The following NCKAP5 variants were observed in gnomAD, a reference collection of about 807,000 sequenced individuals.
NCKAP5 encodes the protein NCK associated protein 5.
Under a neutral mutation model 167.0 loss-of-function variants are expected in NCKAP5, and 92 were observed. That is an observed-to-expected ratio of 0.55 (90% CI 0.47 to 0.66). The LOEUF (loss-of-function observed/expected upper bound fraction) is 0.66, where lower values mean the gene tolerates loss of function less well. NCKAP5 is among the 30% of genes least tolerant of loss of function. NCKAP5 has a pLI of 0.00. For synonymous variants in NCKAP5, 891 were observed against 877.4 expected (o/e 1.02, Z -0.27); for missense variants, 2,378 against 2,315.0 (o/e 1.03, Z -0.56).
At chr2:132,968,592 C>T (rs1432000355) in intron 7 of NCKAP5, among the ~76,000 whole-genome samples, 2 of 152,038 alleles carry the variant, frequency 1.3e-5, no homozygotes, top group Non-Finnish European at 2.9e-5. Context: ...AGAAAGAAAA[C>T]GTTGTCAAGG....
intron 11 of NCKAP5, among the ~76,000 whole-genome samples, chr2:132,836,612 G>A (rs113304023): frequency 0.022 from 3,305 of 151,936 alleles, 126 homozygotes; most frequent in African/African-American, 0.075. Flanking sequence ...GTTCTTTAGC[G>A]GTGATTTGTG....
intron 3 of NCKAP5, among the ~76,000 whole-genome samples, chr2:133,482,232 C>CTT (rs61127181): frequency 6.9e-6 from 1 of 145,746 alleles, no homozygotes; most frequent in African/African-American, 2.5e-5. Flanking sequence ...TTTTCTTTTT[C>CTT]TTTTTTTTTG....
At chr2:133,506,112 A>G (rs1260853798) in intron 3 of NCKAP5, among the ~76,000 whole-genome samples, 1 of 152,134 alleles carries the variant, frequency 6.6e-6, no homozygotes, top group African/African-American at 2.4e-5. Context: ...GATCCACTAG[A>G]CCACCCTCCC....
intron 3 of NCKAP5, among the ~76,000 whole-genome samples, chr2:133,339,322 T>C (rs1414417199): frequency 2.0e-5 from 3 of 151,934 alleles, no homozygotes; most frequent in African/African-American, 7.3e-5. Context: ...CAAGGCCAAG[T>C]CACTGGGGAA....
intron 6 of NCKAP5, among the ~76,000 whole-genome samples, chr2:133,029,625 G>A (rs1277074310): frequency 6.6e-6 from 1 of 152,184 alleles, no homozygotes; most frequent in African/African-American, 2.4e-5. Context: ...AATATTTCCT[G>A]AAAATCTATT....
chr2:132,902,358 G>C (rs1310446197), intron 8 of NCKAP5, among the ~76,000 whole-genome samples: 1 of 152,142 alleles, frequency 6.6e-6, no homozygotes, highest in Non-Finnish European at 1.5e-5. Flanking sequence ...ACAAATCTCT[G>C]GTAGGTATCA....
At chr2:133,258,944 G>C (rs892444962) in intron 4 of NCKAP5, among the ~76,000 whole-genome samples, 1 of 152,064 alleles carries the variant, frequency 6.6e-6, no homozygotes, top group East Asian at 1.9e-4. Context: ...AACAGAACTA[G>C]CCTTCCAGAA....
At chr2:133,135,393 G>A (rs553493965) in intron 5 of NCKAP5, among the ~76,000 whole-genome samples, 28 of 152,200 alleles carry the variant, frequency 1.8e-4, no homozygotes, top group African/African-American at 6.7e-4. Flanking sequence ...AGTGGCATAG[G>A]ACGCAGGTGG....
chr2:133,190,312 A>G (rs1395485931), intron 5 of NCKAP5, among the ~76,000 whole-genome samples: 2 of 152,190 alleles, frequency 1.3e-5, no homozygotes, highest in Non-Finnish European at 1.5e-5. Context: ...ATGTTCATGG[A>G]TAGGAAGAAT....
At chr2:133,366,424 T>A (rs777662789) in intron 3 of NCKAP5, among the ~76,000 whole-genome samples, 10 of 152,036 alleles carry the variant, frequency 6.6e-5, no homozygotes, top group Non-Finnish European at 8.8e-5. Flanking sequence ...TGCCTCAACC[T>A]CCCGAGTAGC....
chr2:132,701,202 T>C (rs1687850787), intron 19 of NCKAP5, among the ~76,000 whole-genome samples: 1 of 152,172 alleles, frequency 6.6e-6, no homozygotes, highest in Admixed American at 6.6e-5. Flanking sequence ...GGCAACACCG[T>C]GGAAAGATTC....
chr2:132,786,561 C>T (rs886656835), intron 13 of NCKAP5, among the ~76,000 whole-genome samples: 2 of 152,062 alleles, frequency 1.3e-5, no homozygotes, highest in Non-Finnish European at 2.9e-5. Flanking sequence ...ATGCCAGCCT[C>T]AGCTTTGGAA....
At chr2:133,006,100 TA>T (rs1166158470) in intron 6 of NCKAP5, among the ~76,000 whole-genome samples, 3 of 150,542 alleles carry the variant, frequency 2.0e-5, no homozygotes, top group African/African-American at 4.9e-5. Context: ...CTACAAAAAA[TA>T]AAAAAAAATT....
Position 133,062,070 on chromosome 2 carries a change from T to C in NCKAP5, c.342-67831A>G, listed in dbSNP as rs976463714. On this transcript the variant is annotated intron_variant, in intron 6 of 19. Coordinates refer to ENST00000409261, the MANE Select transcript of NCKAP5 (RefSeq NM_207363.3). ...CTGATGATGAGTACTAAAGATAAAATGTAAATAATTCTAGAGATGGAACAA... is the reference window on the plus strand; with the variant it reads ...CTGATGATGAGTACTAAAGATAAAACGTAAATAATTCTAGAGATGGAACAA... 2.0e-5 allele frequency among the ~76,000 whole-genome samples: 3 copies of C among 152,324 alleles called. 1 individual carries two copies. The highest frequency in any genetic ancestry group is 4.1e-4 in the South Asian group (2 of 4,826).
intron 3 of NCKAP5, among the ~76,000 whole-genome samples, chr2:133,423,802 A>C (rs1334697148): frequency 6.6e-6 from 1 of 152,248 alleles, no homozygotes; most frequent in African/African-American, 2.4e-5. Flanking sequence ...GTAAACCATA[A>C]GAAACTTCAA....
At chr2:133,200,372 A>T (rs1240375566) in intron 5 of NCKAP5, among the ~76,000 whole-genome samples, 1 of 152,058 alleles carries the variant, frequency 6.6e-6, no homozygotes, top group Admixed American at 6.6e-5. Context: ...TTCAATAAAG[A>T]CAAAAATATT....
At chr2:132,979,972 T>TTTTTTC (rs777799671) in intron 7 of NCKAP5, among the ~76,000 whole-genome samples, 99 of 151,476 alleles carry the variant, frequency 6.5e-4, no homozygotes, top group East Asian at 1.2e-3. Flanking sequence ...CAATGATTTT[T>TTTTTTC]TTTTTCTTTT....
At chr2:132,840,621 A>G (rs926631337) in intron 11 of NCKAP5, among the ~76,000 whole-genome samples, 1 of 152,158 alleles carries the variant, frequency 6.6e-6, no homozygotes, top group African/African-American at 2.4e-5. Context: ...TGAGCTCACC[A>G]CAATAGCAGC....
At chr2:133,547,217 G>T (rs556224993) in intron 2 of NCKAP5, among the ~76,000 whole-genome samples, 1 of 152,296 alleles carries the variant, frequency 6.6e-6, no homozygotes, top group East Asian at 1.9e-4. Flanking sequence ...CACCTGGCTC[G>T]GAGGGTCCTA....
Sources: allele counts gnomAD v4.1 joint callset (sites outside exome capture counted in the v4.1 genomes callset), GRCh38; gene constraint gnomAD v4.1.1; transcripts MANE v1.5; gene names NCBI Gene and HGNC (gene_info 2026-07-23, HGNC 2026-07-21).